Variants in TPRG1 observed in about 807,000 individuals in gnomAD.
TPRG1 encodes tumor protein p63 regulated 1.
In TPRG1, 29 loss-of-function variants were observed where a neutral mutation model predicts 29.3. The ratio of observed to expected loss-of-function variants is 0.99; its 90% CI spans 0.74 to 1.35. The LOEUF (loss-of-function observed/expected upper bound fraction) is 1.35. TPRG1 is among the 40% of genes most tolerant of loss of function. The pLI is 0.00. For synonymous variants in TPRG1, 130 were observed against 116.8 expected, an observed-to-expected ratio of 1.11 and a Z score of -0.73; for missense variants, 327 against 335.0, an observed-to-expected ratio of 0.98 and a Z score of 0.19.
intron 4 of TPRG1, among the ~76,000 whole-genome samples, chr3:189,042,165 A>G (rs999764539): frequency 2.0e-5 from 3 of 152,216 alleles, no homozygotes; most frequent in African/African-American, 7.2e-5. Context: ...AAATTAAAAA[A>G]AAATCTGAAA....
chr3:189,213,954 A>G (rs1320320393), intron 2 of TPRG1, among the ~76,000 whole-genome samples: 2 of 152,118 alleles, frequency 1.3e-5, no homozygotes, highest in Non-Finnish European at 1.5e-5. Flanking sequence ...GTTTTTTTCC[A>G]GAAATTTTTG....
chr3:189,322,303 T>C lies in TPRG1; in HGVS notation c.*1483T>C, dbSNP rs1340524237. On this transcript the variant is annotated 3_prime_UTR_variant, in exon 6 of 6. Transcript: ENST00000345063. ...CCTCTGATATATTTATAAACATCAATTTAATGCAGACATTCAAACCCTAAA... is the reference window on the plus strand; with the variant it reads ...CCTCTGATATATTTATAAACATCAACTTAATGCAGACATTCAAACCCTAAA... 1.3e-5 allele frequency: 2 copies of C among 152,488 alleles called. No individual in the cohort carries two copies. The highest frequency in any genetic ancestry group is 2.9e-5 in the Non-Finnish European group (2 of 68,020). The allele number at this position is 152,488 out of a possible 1,614,324, so 9.4% of individuals were successfully genotyped here.
At chr3:189,302,400 A>T (rs1560674939) in intron 4 of TPRG1, among the ~76,000 whole-genome samples, 1 of 152,196 alleles carries the variant, frequency 6.6e-6, no homozygotes, top group African/African-American at 2.4e-5. Flanking sequence ...TGAAGGATTT[A>T]CTTAAAATGT....
chr3:189,280,954 G>A (rs570873626), intron 4 of TPRG1, among the ~76,000 whole-genome samples: 2 of 152,128 alleles, frequency 1.3e-5, no homozygotes, highest in Non-Finnish European at 2.9e-5. Context: ...ATTCAGGAAA[G>A]GTGGTCTGCA....
chr3:189,066,581 T>C (rs187249973), intron 4 of TPRG1, among the ~76,000 whole-genome samples: 5 of 152,118 alleles, frequency 3.3e-5, no homozygotes, highest in East Asian at 3.9e-4. Flanking sequence ...ACCATTTCAA[T>C]TGATGCTGAA....
intron 5 of TPRG1, chr3:189,315,629 T>C: frequency 2.6e-6 from 1 of 384,458 alleles, no homozygotes; most frequent in Non-Finnish European, 5.3e-6. Context: ...TTTCTATCCA[T>C]CTTTTCAAGG....
At chr3:189,167,846 G>T (rs2108650073), upstream of TPRG1, among the ~76,000 whole-genome samples, 1 of 152,280 alleles carries the variant, frequency 6.6e-6, no homozygotes, top group Non-Finnish European at 1.5e-5. Flanking sequence ...CTTACTTCGA[G>T]ATTCTGTGGC....
At chr3:189,151,389 C>T (rs975974826) in intron 5 of TPRG1, among the ~76,000 whole-genome samples, 14 of 152,100 alleles carry the variant, frequency 9.2e-5, no homozygotes, top group Admixed American at 1.3e-4. Context: ...ATATCAGAGA[C>T]GTATTTTGGA....
At chr3:189,316,032 G>A (rs1012460565) in intron 5 of TPRG1, among the ~76,000 whole-genome samples, 1 of 152,184 alleles carries the variant, frequency 6.6e-6, no homozygotes, top group Non-Finnish European at 1.5e-5. Context: ...ATGCTTAAAA[G>A]CTGCGAATTA....
chr3:189,076,942 A>G (rs7635467), intron 4 of TPRG1, among the ~76,000 whole-genome samples: 32 of 151,260 alleles, frequency 2.1e-4, no homozygotes, highest in African/African-American at 6.6e-4. Context: ...ATATATATAT[A>G]GCCAATAAGC....
rs183246387 is a variant in TPRG1 at position 189,228,931 on chromosome 3, A to G, written c.303-9802A>G. Among the ~76,000 whole-genome samples the G allele has an allele frequency of 1.7e-3, 261 of 152,336 alleles. 2 individuals are homozygous for G. The highest frequency in any genetic ancestry group is 0.015 in the Admixed American group (231 of 15,306). On this transcript the variant is annotated intron_variant, in intron 3 of 5. Coordinates refer to ENST00000345063, the MANE Select transcript of TPRG1 (RefSeq NM_198485.4). The stretch of plus-strand genomic sequence containing the variant: ...AATTATTTCAGCAAATTTTCAGAAT[A>G]CAAGATCAGCACCATAAGTCAGTTA...
At chr3:189,124,191 G>T (rs755130284) in intron 1 of TPRG1, among the ~76,000 whole-genome samples, 2 of 152,118 alleles carry the variant, frequency 1.3e-5, no homozygotes, top group Non-Finnish European at 2.9e-5. Flanking sequence ...GGAGGCTCTG[G>T]AGTAGGTACA....
chr3:189,298,002 A>G (rs1194872156), intron 4 of TPRG1, among the ~76,000 whole-genome samples: 1 of 152,236 alleles, frequency 6.6e-6, no homozygotes, highest in Non-Finnish European at 1.5e-5. Context: ...GCTCTGTGGT[A>G]GAAGTAAATC....
chr3:189,130,740 T>TA (rs560597216), intron 2 of TPRG1, among the ~76,000 whole-genome samples: 2 of 152,174 alleles, frequency 1.3e-5, no homozygotes, highest in Non-Finnish European at 2.9e-5. Flanking sequence ...CAATGTCTGT[T>TA]AAAAAAATCC....
At chr3:189,010,634 T>A (rs554995077) in intron 3 of TPRG1, among the ~76,000 whole-genome samples, 1 of 152,338 alleles carries the variant, frequency 6.6e-6, no homozygotes, top group African/African-American at 2.4e-5. Flanking sequence ...GGGTTGTTTT[T>A]CTTTTGTAAA....
intron 5 of TPRG1, among the ~76,000 whole-genome samples, chr3:189,158,143 T>C (rs931357281): frequency 7.9e-5 from 12 of 152,194 alleles, no homozygotes; most frequent in African/African-American, 2.9e-4. Context: ...GAGGGTCCCT[T>C]AAACCACTTA....
chr3:189,273,158 A>G (rs1257837017), intron 4 of TPRG1, among the ~76,000 whole-genome samples: 3 of 152,194 alleles, frequency 2.0e-5, no homozygotes, highest in Admixed American at 2.0e-4. Context: ...CTAGTATTTT[A>G]TTCTGTAGCT....
chr3:189,173,443 G>A (rs970984009), intron 1 of TPRG1, among the ~76,000 whole-genome samples: 3 of 149,840 alleles, frequency 2.0e-5, no homozygotes, highest in African/African-American at 4.9e-5. Flanking sequence ...GGGTTCAAGC[G>A]ATTCTCCTGC....
chr3:189,306,811 T>C (rs1721702698), intron 4 of TPRG1, among the ~76,000 whole-genome samples: 1 of 150,760 alleles, frequency 6.6e-6, no homozygotes, highest in South Asian at 2.1e-4. Context: ...TCCGTTATCC[T>C]CCTGTTTTTC....
Sources: gnomAD v4.1 joint callset for allele counts (sites outside exome capture counted in the v4.1 genomes callset) on GRCh38, gnomAD v4.1.1 for gene constraint, MANE v1.5 for transcripts, NCBI Gene and HGNC (gene_info 2026-07-23, HGNC 2026-07-21) for gene names.